The following PARD6G variants were observed in gnomAD, a reference collection of about 807,000 sequenced individuals.
PARD6G encodes the protein par-6 family cell polarity regulator gamma.
PARD6G carries 7 observed loss-of-function variants against 10.7 expected under a neutral mutation model. The ratio of observed to expected loss-of-function variants is 0.66; its 90% CI spans 0.37 to 1.23. The LOEUF (loss-of-function observed/expected upper bound fraction) is 1.23. PARD6G is among the 50% of genes most tolerant of loss of function. The probability of loss-of-function intolerance (pLI) is 0.02; values close to 1 mark genes in which losing one functional copy is unlikely to be tolerated. For missense variants in PARD6G, 548 were observed against 571.8 expected (o/e 0.96, Z 0.42); for synonymous variants, 287 against 269.4 (o/e 1.07, Z -0.64).
At chr18:80,173,926 G>C (rs2052793152) in intron 2 of PARD6G, among the ~76,000 whole-genome samples, 1 of 152,270 alleles carries the variant, frequency 6.6e-6, no homozygotes, top group Non-Finnish European at 1.5e-5. Context: ...GGTCACAACA[G>C]GTCACTAATG....
At chr18:80,237,203 T>A (rs542693275) in intron 1 of PARD6G, among the ~76,000 whole-genome samples, 1 of 152,114 alleles carries the variant, frequency 6.6e-6, no homozygotes, top group African/African-American at 2.4e-5. Flanking sequence ...GCCACATATC[T>A]ACAACTATCT....
At chr18:80,203,136 T>C (rs1415928468) in intron 1 of PARD6G, 1 of 525,454 alleles carries the variant, frequency 1.9e-6, no homozygotes, top group Non-Finnish European at 3.4e-6. Flanking sequence ...ATGCTTTTAA[T>C]ACGATTTCTC....
At chr18:80,193,634 G>C (rs959831065) in intron 2 of PARD6G, among the ~76,000 whole-genome samples, 1 of 152,134 alleles carries the variant, frequency 6.6e-6, no homozygotes, top group African/African-American at 2.4e-5. Context: ...TGTCAAAATA[G>C]AACATTCTAC....
At chr18:80,190,741 G>A (rs1301876335) in intron 2 of PARD6G, among the ~76,000 whole-genome samples, 2 of 152,108 alleles carry the variant, frequency 1.3e-5, no homozygotes, top group Non-Finnish European at 2.9e-5. Context: ...AGCTGTTGGG[G>A]GCTTAGGAAG....
At chr18:80,174,423 C>T (rs1171124186) in intron 2 of PARD6G, among the ~76,000 whole-genome samples, 1 of 152,146 alleles carries the variant, frequency 6.6e-6, no homozygotes, top group Non-Finnish European at 1.5e-5. Context: ...TCACCTCAGC[C>T]TCCCAAAGTG....
chr18:80,235,606 C>G (rs1024753685), intron 1 of PARD6G, among the ~76,000 whole-genome samples: 1 of 152,054 alleles, frequency 6.6e-6, no homozygotes, highest in African/African-American at 2.4e-5. Context: ...AATTGATAGA[C>G]CGCTAGCAAG....
At chr18:80,238,634 G>C (rs1967454095) in intron 1 of PARD6G, among the ~76,000 whole-genome samples, 2 of 152,108 alleles carry the variant, frequency 1.3e-5, no homozygotes, top group Admixed American at 1.3e-4. Flanking sequence ...AACCTTCCTG[G>C]ATGCTGGAAT....
chr18:80,230,995 A>C (rs962019050), intron 1 of PARD6G, among the ~76,000 whole-genome samples: 1 of 152,146 alleles, frequency 6.6e-6, no homozygotes, highest in African/African-American at 2.4e-5. Context: ...TCAAAAAGGG[A>C]ATTTGGAAAA....
intron 2 of PARD6G, among the ~76,000 whole-genome samples, chr18:80,199,045 C>T (rs1281949805): frequency 6.6e-6 from 1 of 152,210 alleles, no homozygotes; most frequent in Non-Finnish European, 1.5e-5. Flanking sequence ...CCCTGGCAAC[C>T]ATGAGTCTAT....
intron 1 of PARD6G, among the ~76,000 whole-genome samples, chr18:80,230,391 C>T (rs1253587463): frequency 6.6e-6 from 1 of 152,178 alleles, no homozygotes; most frequent in Non-Finnish European, 1.5e-5. Context: ...CCTGTTGGAG[C>T]GTGGGACTCG....
At chr18:80,235,397 G>A (rs868013955) in intron 1 of PARD6G, among the ~76,000 whole-genome samples, 33 of 152,182 alleles carry the variant, frequency 2.2e-4, no homozygotes, top group South Asian at 4.2e-4. Flanking sequence ...ATGCCCACAG[G>A]AGAAAGCAGG....
rs1242851178 is a variant in PARD6G at position 80,201,965 on chromosome 18, T to A, written c.295+745A>T. 6.6e-6 allele frequency: 1 copy of A among 152,310 alleles called. No homozygotes were observed. The highest frequency in any genetic ancestry group is 1.5e-5 in the Non-Finnish European group (1 of 68,130). The allele number at this position is 152,310 out of a possible 1,614,324, so 9.4% of individuals were successfully genotyped here. A position where few individuals can be genotyped will look rare whatever the true frequency, so the allele number is the denominator to read the frequency against. On this transcript the variant is annotated intron_variant, in intron 2 of 2. Coordinates refer to ENST00000353265, the MANE Select transcript of PARD6G (RefSeq NM_032510.4). This position sits in a 1 kb window ranked among gnomAD's most constrained non-coding sequence, Gnocchi z 5.9. ...AGACAGGGCACACTGCAACCTCACC[T>A]TGCAACTGTCACCACTGGCTGCTTG...
At chr18:80,168,189 C>G (rs2052749293) in intron 2 of PARD6G, among the ~76,000 whole-genome samples, 1 of 152,182 alleles carries the variant, frequency 6.6e-6, no homozygotes, top group South Asian at 2.1e-4. Context: ...AGAGAACACA[C>G]AACCTCAGCC....
chr18:80,180,470 A>C lies in PARD6G; in HGVS notation c.296-19864T>G, dbSNP rs1302839481. 6.6e-6 allele frequency among the ~76,000 whole-genome samples: 1 copy of C among 151,690 alleles called. No homozygotes were observed. The highest frequency in any genetic ancestry group is 1.9e-4 in the East Asian group (1 of 5,166). On this transcript the variant is annotated intron_variant, in intron 2 of 2. Coordinates refer to ENST00000353265, the MANE Select transcript of PARD6G (RefSeq NM_032510.4). This position sits in a 1 kb window ranked among gnomAD's most constrained non-coding sequence, Gnocchi z 5.6. Reference sequence around the variant, plus strand: ...GAGGAGGCTCTGCTCCATGGTGTACACCCCCCAGGTATCACCGGGGCCCTC... The same window carrying C: ...GAGGAGGCTCTGCTCCATGGTGTACCCCCCCCAGGTATCACCGGGGCCCTC...
chr18:80,186,853 G>A (rs936341876), intron 2 of PARD6G, among the ~76,000 whole-genome samples: 5 of 152,118 alleles, frequency 3.3e-5, no homozygotes, highest in South Asian at 2.1e-4. Context: ...GGTGGCTCAC[G>A]CCTGTAATCC....
intron 2 of PARD6G, among the ~76,000 whole-genome samples, chr18:80,194,799 A>G (rs1400771491): frequency 2.6e-5 from 4 of 152,154 alleles, no homozygotes; most frequent in Non-Finnish European, 5.9e-5. Context: ...TGAGGGGGGA[A>G]ATGATACCCA....
intron 2 of PARD6G, among the ~76,000 whole-genome samples, chr18:80,194,950 C>A (rs374259518): frequency 1.3e-5 from 2 of 152,254 alleles, no homozygotes; most frequent in African/African-American, 4.8e-5. Context: ...AGAACAGCAG[C>A]GCCACTGTTG....
intron 2 of PARD6G, among the ~76,000 whole-genome samples, chr18:80,196,801 A>G (rs1966959918): frequency 6.7e-6 from 1 of 148,762 alleles, no homozygotes; most frequent in Non-Finnish European, 1.5e-5. Context: ...CTCCTCCCTC[A>G]ACACACTCCT....
chr18:80,198,239 G>T (rs1041234036), intron 2 of PARD6G, among the ~76,000 whole-genome samples: 3 of 152,114 alleles, frequency 2.0e-5, no homozygotes, highest in African/African-American at 7.2e-5. Context: ...CTCTTAACCT[G>T]GTATAAGCCG....
Sources: gnomAD v4.1 joint callset for allele counts (sites outside exome capture counted in the v4.1 genomes callset) on GRCh38, gnomAD v4.1.1 for gene constraint, Gnocchi (gnomAD v3.1) non-coding constraint, MANE v1.5 for transcripts, NCBI Gene and HGNC (gene_info 2026-07-23, HGNC 2026-07-21) for gene names.